ANKRD29: variants seen among roughly 807,000 people sequenced by gnomAD.
ANKRD29 encodes the protein ankyrin repeat domain-containing protein 29.
ANKRD29 carries 32 observed loss-of-function variants against 38.0 expected under a neutral mutation model. The observed-to-expected ratio is 0.84, with a 90% CI of 0.64 to 1.13. ANKRD29 has a LOEUF of 1.13. ANKRD29 is among the 50% of genes most tolerant of loss of function. The pLI, the probability that ANKRD29 is intolerant of heterozygous loss-of-function variation, is 0.00. For missense variants in ANKRD29, 357 were observed against 377.9 expected (o/e 0.94, Z 0.46); for synonymous variants, 135 against 152.4 (o/e 0.89, Z 0.84).
chr18:23,636,151 T>C (rs2145700330), intron 4 of ANKRD29, among the ~76,000 whole-genome samples: 1 of 152,338 alleles, frequency 6.6e-6, no homozygotes, highest in Non-Finnish European at 1.5e-5. Context: ...TGTATGTATG[T>C]ATGTATGTCA....
chr18:23,634,068 T>G lies in ANKRD29; in HGVS notation c.412A>C (p.Ile138Leu), dbSNP rs925169086. 1.9e-6 allele frequency: 3 copies of G among 1,614,198 alleles called. No individual in the cohort carries two copies. Among genetic ancestry groups the G allele is most frequent in the East Asian group, 2.2e-5 (1 of 44,872 alleles). The change falls in exon 5 of 10, where the codon ATC becomes CTC. Residue 138 changes from isoleucine to leucine, a missense_variant. Physicochemically the swap from Ile to Leu is conservative, Grantham distance 5 (BLOSUM62 2). Coordinates refer to ENST00000592179, the MANE Select transcript of ANKRD29 (RefSeq NM_173505.4). ...GCACTCACATAAAGTTGGTCATGGATGTTTGCTCCGTGCTTCAGCAAGGTC... is the reference window on the plus strand; with the variant it reads ...GCACTCACATAAAGTTGGTCATGGAGGTTTGCTCCGTGCTTCAGCAAGGTC... ...VETLLKHGANIHDQLYDGATA... is the reference protein window; with the variant it reads ...VETLLKHGANLHDQLYDGATA...
intron 1 of ANKRD29, among the ~76,000 whole-genome samples, chr18:23,661,234 G>A (rs1010716664): frequency 3.9e-5 from 6 of 152,118 alleles, no homozygotes; most frequent in Admixed American, 2.6e-4. Flanking sequence ...ACTTAACACT[G>A]CTGACTCCTA....
chr18:23,625,532 G>A (rs367921064), intron 6 of ANKRD29, among the ~76,000 whole-genome samples: 8 of 152,244 alleles, frequency 5.3e-5, no homozygotes, highest in South Asian at 4.2e-4. Context: ...GAGAACACAC[G>A]ACTCACTAGA....
At chr18:23,612,443 C>A (rs1397302665) in intron 8 of ANKRD29, among the ~76,000 whole-genome samples, 3 of 152,216 alleles carry the variant, frequency 2.0e-5, no homozygotes, top group African/African-American at 7.2e-5. Context: ...GGACACATGA[C>A]TTCATGGTCA....
intron 8 of ANKRD29, among the ~76,000 whole-genome samples, chr18:23,616,163 T>C (rs1221940335): frequency 4.0e-5 from 6 of 149,914 alleles, no homozygotes; most frequent in Admixed American, 3.3e-4. Flanking sequence ...TGTATGTATG[T>C]ATACTCTATA....
intron 6 of ANKRD29, among the ~76,000 whole-genome samples, chr18:23,624,414 C>A (rs983886122): frequency 1.6e-5 from 2 of 125,110 alleles, no homozygotes; most frequent in Non-Finnish European, 3.1e-5. Flanking sequence ...TTGCAGTGAG[C>A]CAAGATCATG....
intron 6 of ANKRD29, 118 bp from the exon 7 acceptor site, chr18:23,619,747 G>A (rs1005799321): frequency 3.8e-6 from 3 of 780,370 alleles, no homozygotes; most frequent in East Asian, 2.9e-5. Context: ...CTCCCTGACC[G>A]CAGATCACAC....
intron 2 of ANKRD29, chr18:23,648,768 A>G: frequency 2.4e-6 from 1 of 409,504 alleles, no homozygotes; most frequent in East Asian, 3.5e-5. Flanking sequence ...TTTTCATGGA[A>G]GTGGTTGGCT....
chr18:23,629,897 G>T lies in ANKRD29; in HGVS notation c.484C>A (p.Arg162=). ...TTTGCTCCTGAAGCCAGCAGTAATC[G>T]AATAACATCCAAGTAACCACCTTGG... ...AAQGGYLDVI[R]LLLASGAKVN... Residue 162 remains arginine, a synonymous_variant, in exon 6 of 10, where the codon CGA becomes AGA. Coordinates refer to ENST00000592179, the MANE Select transcript of ANKRD29 (RefSeq NM_173505.4). 2 of 1,614,144 alleles carry T rather than the reference G, an allele frequency of 1.2e-6. No homozygotes were observed. Among genetic ancestry groups the T allele is most frequent in the Non-Finnish European group, 1.7e-6 (2 of 1,180,024 alleles).
intron 3 of ANKRD29, among the ~76,000 whole-genome samples, chr18:23,641,521 C>A (rs970834735): frequency 6.6e-6 from 1 of 152,246 alleles, no homozygotes; most frequent in Non-Finnish European, 1.5e-5. Flanking sequence ...TGCCCCCCAA[C>A]CTTGGCCCCC....
chr18:23,620,071 C>A (rs578061726), intron 6 of ANKRD29, among the ~76,000 whole-genome samples: 1 of 152,152 alleles, frequency 6.6e-6, no homozygotes, highest in Non-Finnish European at 1.5e-5. Flanking sequence ...CTGTCCATTT[C>A]TTTGCTTTCC....
chr18:23,635,617 T>C (rs1433082993), intron 4 of ANKRD29, among the ~76,000 whole-genome samples: 1 of 152,216 alleles, frequency 6.6e-6, no homozygotes, highest in Non-Finnish European at 1.5e-5. Flanking sequence ...ATCATAAATA[T>C]AAGATACTGT....
chr18:23,652,657 T>C (rs1038031867), intron 1 of ANKRD29, among the ~76,000 whole-genome samples: 6 of 152,206 alleles, frequency 3.9e-5, no homozygotes, highest in Non-Finnish European at 7.3e-5. Context: ...AAGGAGACAG[T>C]GCACGTGAAA....
chr18:23,633,583 C>T (rs945286907), intron 5 of ANKRD29, among the ~76,000 whole-genome samples: 6 of 151,876 alleles, frequency 4.0e-5, no homozygotes, highest in Admixed American at 3.3e-4. Flanking sequence ...CATTTTTTGT[C>T]GGTGGGGGAC....
chr18:23,621,211 A>T (rs564380907), intron 6 of ANKRD29, among the ~76,000 whole-genome samples: 1 of 152,150 alleles, frequency 6.6e-6, no homozygotes, highest in Non-Finnish European at 1.5e-5. Context: ...CCATCGGGGG[A>T]AGGGGGGCTG....
At chr18:23,631,227 G>GTC (rs1219299821) in intron 5 of ANKRD29, among the ~76,000 whole-genome samples, 4 of 149,640 alleles carry the variant, frequency 2.7e-5, no homozygotes, top group Admixed American at 6.7e-5. Flanking sequence ...GCAAGACCTT[G>GTC]TCTCTCTCTC....
intron 3 of ANKRD29, 55 bp downstream of exon 3, chr18:23,646,134 A>G (rs1448332486): frequency 6.5e-6 from 10 of 1,542,670 alleles, no homozygotes; most frequent in Non-Finnish European, 8.9e-6. Flanking sequence ...ACTATCATGA[A>G]AACTTCAGAT....
In ANKRD29 at chr18:23,662,786, T is replaced by C. The variant is rs1458627617; in HGVS notation, c.-56A>G. The C allele has an allele frequency of 7.8e-6, 11 of 1,403,896 alleles. No individual in the cohort carries two copies. The African/African-American group carries it at 1.2e-4, about 15-fold the overall frequency. The allele number at this position is 1,403,896 out of a possible 1,614,324, so 87.0% of individuals were successfully genotyped here. ...GCTTTGGGCCCGGGGCGCCTTGTCC[T>C]CCCCGGCCCTTCACTCTCCCGGGGC... On this transcript the variant is annotated 5_prime_UTR_variant, in exon 1 of 10. Transcript: ENST00000592179.
chr18:23,641,084 C>T (rs1441727125), intron 3 of ANKRD29, among the ~76,000 whole-genome samples: 1 of 151,922 alleles, frequency 6.6e-6, no homozygotes, highest in Admixed American at 6.5e-5. Context: ...AAAAAAAAAG[C>T]CCCTTACTCA....
Sources: gnomAD v4.1 joint callset for allele counts (sites outside exome capture counted in the v4.1 genomes callset) on GRCh38, gnomAD v4.1.1 for gene constraint, MANE v1.5 for transcripts, NCBI Gene and HGNC (gene_info 2026-07-23, HGNC 2026-07-21) for gene names.